Variants in KCNJ15 observed in about 807,000 individuals in gnomAD.
KCNJ15 encodes ATP-sensitive inward rectifier potassium channel 15.
KCNJ15 carries 14 observed loss-of-function variants against 23.0 expected under a neutral mutation model. The observed-to-expected ratio is 0.61, with a 90% CI of 0.40 to 0.95. KCNJ15 has a LOEUF of 0.95. Among genes scored for constraint, KCNJ15 ranks in the 40% least tolerant of loss-of-function variants. The probability of loss-of-function intolerance (pLI) is 0.00; values close to 1 mark genes in which losing one functional copy is unlikely to be tolerated. For synonymous variants in KCNJ15, 185 were observed against 183.2 expected, an observed-to-expected ratio of 1.01 and a Z score of -0.08; for missense variants, 388 against 461.8, an observed-to-expected ratio of 0.84 and a Z score of 1.46.
At chr21:38,231,433 A>G (rs1215613461) in intron 1 of KCNJ15, among the ~76,000 whole-genome samples, 1 of 151,910 alleles carries the variant, frequency 6.6e-6, no homozygotes, top group Non-Finnish European at 1.5e-5. Context: ...TTTAAGATTT[A>G]TCTTGTTTAC....
At chr21:38,294,398 G>A (rs765142675) in intron 1 of KCNJ15, among the ~76,000 whole-genome samples, 1 of 152,152 alleles carries the variant, frequency 6.6e-6, no homozygotes, top group Non-Finnish European at 1.5e-5. Context: ...CATCACCCTG[G>A]TTAAAAGACG....
At chr21:38,295,709 G>A (rs1041419474) in intron 1 of KCNJ15, among the ~76,000 whole-genome samples, 4 of 152,048 alleles carry the variant, frequency 2.6e-5, no homozygotes, top group African/African-American at 9.7e-5. Flanking sequence ...TATAACCTAA[G>A]GCAGTAACAT....
chr21:38,270,483 C>G lies in KCNJ15; in HGVS notation c.-117+13298C>G, dbSNP rs561998308. ...AGTGTGACTTGTCCAAAGTCACTAGCCCAGTTGCCTTTCAGAAGGCATCTC... is the reference window on the plus strand; with the variant it reads ...AGTGTGACTTGTCCAAAGTCACTAGGCCAGTTGCCTTTCAGAAGGCATCTC... On this transcript the variant is annotated intron_variant, in intron 1 of 2. Transcript: ENST00000398938. Among the ~76,000 whole-genome samples, 6 of 152,274 alleles carry G rather than the reference C, an allele frequency of 3.9e-5. No homozygotes were observed. In the South Asian group the frequency reaches 1.2e-3, roughly 32 times the overall value.
In KCNJ15 at chr21:38,306,646, T is replaced by C. The variant is rs1199162515; in HGVS notation, c.*6257T>C. The C allele has an allele frequency of 6.6e-6, 1 of 152,116 alleles. No individual in the cohort carries two copies. The highest frequency in any genetic ancestry group is 1.5e-5 in the Non-Finnish European group (1 of 68,020). The allele number at this position is 152,116 out of a possible 1,614,324, so 9.4% of individuals were successfully genotyped here. A position where few individuals can be genotyped will look rare whatever the true frequency, so the allele number is the denominator to read the frequency against. On this transcript the variant is annotated 3_prime_UTR_variant, in exon 3 of 3. Transcript: ENST00000398938. ...CAGCGGCTTTTTACAAAAACAAACCTCCAGATCACAAAAGGAAGCTGTGTT... is the reference window on the plus strand; with the variant it reads ...CAGCGGCTTTTTACAAAAACAAACCCCCAGATCACAAAAGGAAGCTGTGTT...
chr21:38,303,710 A>G lies in KCNJ15; in HGVS notation c.*3321A>G, dbSNP rs1192318697. ...ACTATTTTGTTGGATTTTTATTTGA[A>G]TTAAATTTCCCAATTTTTAATAGAC... is the stretch of plus-strand genomic sequence containing the variant. On this transcript the variant is annotated 3_prime_UTR_variant, in exon 3 of 3. Transcript: ENST00000398938. The G allele has an allele frequency of 1.3e-5, 2 of 152,242 alleles. No individual in the cohort carries two copies. Among genetic ancestry groups the G allele is most frequent in the African/African-American group, 4.8e-5 (2 of 41,464 alleles). 9.4% of individuals were successfully genotyped at this position (152,242 alleles called of 1,614,324 possible).
At chr21:38,284,997 A>G (rs1204496904) in intron 1 of KCNJ15, among the ~76,000 whole-genome samples, 1 of 152,248 alleles carries the variant, frequency 6.6e-6, no homozygotes, top group Non-Finnish European at 1.5e-5. Context: ...GTCACTCTTA[A>G]TGCTTCATCA....
intron 1 of KCNJ15, among the ~76,000 whole-genome samples, chr21:38,285,013 A>T (rs1480761476): frequency 1.3e-5 from 2 of 152,260 alleles, no homozygotes; most frequent in Non-Finnish European, 2.9e-5. Context: ...CATCAGCAGC[A>T]TCCTGTGCCA....
In KCNJ15 at chr21:38,257,140, A is replaced by G. The variant is rs1414172049; in HGVS notation, c.-162A>G. 1.3e-5 allele frequency: 2 copies of G among 152,348 alleles called. No individual in the cohort carries two copies. The highest frequency in any genetic ancestry group is 3.4e-3 in the Middle Eastern group (1 of 294). 9.4% of individuals were successfully genotyped at this position (152,348 alleles called of 1,614,324 possible). ...GGACTGAGCATTTCTCTGACTTGAC[A>G]TAACTTCCCATCCAGCCAGGAGTCT... On this transcript the variant is annotated 5_prime_UTR_variant, in exon 1 of 3. Coordinates refer to ENST00000398938, the MANE Select transcript of KCNJ15 (RefSeq NM_170736.3).
intron 1 of KCNJ15, among the ~76,000 whole-genome samples, chr21:38,271,952 A>G (rs549672079): frequency 2.6e-5 from 4 of 152,202 alleles, no homozygotes; most frequent in Admixed American, 6.5e-5. Context: ...GAAACGGCCA[A>G]AACCTGCGAT....
rs1443088070 is a variant in KCNJ15, at chr21:38,240,702, G to T, written c.-398-16344G>T. ...ATTACATGGATTTAGTACATTTTTT[G>T]ACCAAATAACACTTGACCAAACATT... On this transcript the variant is annotated intron_variant, in intron 1 of 4. Transcript: ENST00000547341. Among the ~76,000 whole-genome samples, 3 of 152,094 alleles carry T rather than the reference G, an allele frequency of 2.0e-5. No homozygotes were observed. The South Asian group carries it at 6.2e-4, about 31-fold the overall frequency.
In KCNJ15 at chr21:38,299,611, C is replaced by T. The variant is rs772620107; in HGVS notation, c.350C>T (p.Ala117Val). The T allele has an allele frequency of 8.7e-6, 14 of 1,614,080 alleles. No individual in the cohort carries two copies. Among genetic ancestry groups the T allele is most frequent in the Middle Eastern group, 1.6e-4 (1 of 6,062 alleles). The change falls in exon 3 of 3, where the codon GCG becomes GTG. Residue 117 changes from alanine (A) to valine (V), a missense_variant. Ala to Val is a moderately conservative substitution (Grantham distance 64). Coordinates refer to ENST00000398938, the MANE Select transcript of KCNJ15 (RefSeq NM_170736.3). This position sits in a 1 kb window ranked among gnomAD's most constrained non-coding sequence, Gnocchi z 4.5. ...CIMKVDSLTG[A>V]FLFSLESQTT... Reference sequence around the variant, plus strand: ...ATGAAAGTGGACTCTCTCACTGGGGCGTTTCTCTTTTCCCTGGAATCCCAG... The same window carrying T: ...ATGAAAGTGGACTCTCTCACTGGGGTGTTTCTCTTTTCCCTGGAATCCCAG...
At chr21:38,257,463 C>G (rs561863760) in intron 1 of KCNJ15, among the ~76,000 whole-genome samples, 2 of 152,298 alleles carry the variant, frequency 1.3e-5, no homozygotes, top group East Asian at 1.9e-4. Flanking sequence ...GTACGGGGGT[C>G]TAGCTTGCGG....
chr21:38,234,909 A>C (rs1297655483), intron 1 of KCNJ15, among the ~76,000 whole-genome samples: 2 of 152,236 alleles, frequency 1.3e-5, no homozygotes, highest in African/African-American at 4.8e-5. Flanking sequence ...TTTGTGACTC[A>C]TGAGTAAGCC....
chr21:38,262,967 C>G (rs748089521), intron 1 of KCNJ15, among the ~76,000 whole-genome samples: 1 of 152,154 alleles, frequency 6.6e-6, no homozygotes, highest in African/African-American at 2.4e-5. Flanking sequence ...CCTGAGCTAC[C>G]GTGCCTGGCC....
chr21:38,259,717 CT>C (rs1174701033), intron 1 of KCNJ15, among the ~76,000 whole-genome samples: 1 of 152,098 alleles, frequency 6.6e-6, no homozygotes, highest in African/African-American at 2.4e-5. Context: ...AGGAGTGGGG[CT>C]TTTGGTGCAG....
chr21:38,276,553 T>C (rs1982719449), intron 1 of KCNJ15, among the ~76,000 whole-genome samples: 2 of 152,064 alleles, frequency 1.3e-5, no homozygotes, highest in African/African-American at 4.8e-5. Context: ...TGGGGTCTAC[T>C]TGAGGGTGGA....
intron 1 of KCNJ15, among the ~76,000 whole-genome samples, chr21:38,292,152 G>C (rs1984669160): frequency 6.6e-6 from 1 of 152,178 alleles, no homozygotes; most frequent in Non-Finnish European, 1.5e-5. Context: ...TTGCTCACCA[G>C]GTGCTCCATG....
Position 38,305,247 on chromosome 21 carries a change from T to C in KCNJ15, c.*4858T>C, listed in dbSNP as rs866264887. On this transcript the variant is annotated 3_prime_UTR_variant, in exon 3 of 3. Transcript: ENST00000398938. ...TGGTTGACTGTTTCTTCATATTTGCTGTTCATTCTATAAAGTCAAATAGAT... is the reference window on the plus strand; with the variant it reads ...TGGTTGACTGTTTCTTCATATTTGCCGTTCATTCTATAAAGTCAAATAGAT... 5.3e-5 allele frequency: 8 copies of C among 152,320 alleles called. 1 individual carries two copies. The highest frequency in any genetic ancestry group is 4.1e-4 in the South Asian group (2 of 4,828). The allele number at this position is 152,320 out of a possible 1,614,324, so 9.4% of individuals were successfully genotyped here.
intron 1 of KCNJ15, among the ~76,000 whole-genome samples, chr21:38,235,278 G>C (rs1232837463): frequency 1.3e-5 from 2 of 151,850 alleles, no homozygotes. Flanking sequence ...CTGGGACTGG[G>C]CATGGTGGCT....
Sources: allele counts gnomAD v4.1 joint callset (sites outside exome capture counted in the v4.1 genomes callset), GRCh38; gene constraint gnomAD v4.1.1; non-coding constraint Gnocchi (gnomAD v3.1); transcripts MANE v1.5; gene names NCBI Gene and HGNC (gene_info 2026-07-23, HGNC 2026-07-21).